PI4KB: variants seen among roughly 807,000 people sequenced by gnomAD.
The protein encoded by PI4KB is PtdIns 4-kinase beta.
Under a neutral mutation model 81.4 loss-of-function variants are expected in PI4KB, and 23 were observed. The ratio of observed to expected loss-of-function variants is 0.28; its 90% CI spans 0.20 to 0.40. PI4KB has a LOEUF of 0.40. PI4KB is among the 10% of genes least tolerant of loss of function. The pLI is 1.00. For missense variants in PI4KB, 651 were observed against 1,036.6 expected, an observed-to-expected ratio of 0.63 and a Z score of 5.11; for synonymous variants, 381 against 406.8, an observed-to-expected ratio of 0.94 and a Z score of 0.76.
In PI4KB at chr1:151,294,083, T is replaced by G; in HGVS notation, c.2204A>C (p.Gln735Pro). ...GTGTTTCCGAGCGGCAATCAGCCCT[T>G]GCAGCATCAGCATCTTATAGTAGTT... Reference protein sequence around the residue: ...MFNYYKMLMLQGLIAARKHMD... With the variant: ...MFNYYKMLMLPGLIAARKHMD... Residue 735 changes from glutamine to proline, a missense_variant, in exon 11 of 12, where the codon CAA becomes CCA. Physicochemically the swap from Gln to Pro is moderately conservative, Grantham distance 76 (BLOSUM62 -1). Coordinates refer to ENST00000368873, the MANE Select transcript of PI4KB (RefSeq NM_001369623.2). The G allele has an allele frequency of 1.2e-6, 2 of 1,614,098 alleles. No individual in the cohort carries two copies. Among genetic ancestry groups the G allele is most frequent in the Non-Finnish European group, 1.7e-6 (2 of 1,179,988 alleles).
intron 6 of PI4KB, among the ~76,000 whole-genome samples, 185 bp from the exon 7 acceptor site, chr1:151,302,483 T>C (rs1282986527): frequency 6.6e-6 from 1 of 152,134 alleles, no homozygotes; most frequent in Non-Finnish European, 1.5e-5. Context: ...ATTGTAATCA[T>C]GTTAAAATTA....
In PI4KB at chr1:151,294,266, G is replaced by A. The variant is rs78257085; in HGVS notation, c.2149-128C>T. On this transcript the variant is annotated intron_variant, in intron 10 of 11. Transcript: ENST00000368873. ...TATTTCCCCCTTCCTTATTGGGCAGGAAGCTCCCAGGAACTCCTGCCTCAC... is the reference window on the plus strand; with the variant it reads ...TATTTCCCCCTTCCTTATTGGGCAGAAAGCTCCCAGGAACTCCTGCCTCAC... 1.4e-3 allele frequency: 2,000 copies of A among 1,475,848 alleles called. 32 individuals are homozygous for A. The African/African-American group carries it at 0.025, about 19-fold the overall frequency. The allele number at this position is 1,475,848 out of a possible 1,614,324, so 91.4% of individuals were successfully genotyped here.
intron 2 of PI4KB, among the ~76,000 whole-genome samples, chr1:151,312,850 C>CA (rs1557804763): frequency 1.3e-5 from 2 of 152,068 alleles, no homozygotes; most frequent in South Asian, 2.1e-4. Flanking sequence ...CTCATCTTTA[C>CA]AAAAAAATTT....
chr1:151,297,069 A>T (rs1310085721), intron 9 of PI4KB, among the ~76,000 whole-genome samples: 1 of 152,186 alleles, frequency 6.6e-6, no homozygotes, highest in Non-Finnish European at 1.5e-5. Context: ...GAGCCACTGC[A>T]TCCAGCCTAG....
At chr1:151,320,582 T>C (rs1356762563) in intron 1 of PI4KB, among the ~76,000 whole-genome samples, 1 of 152,178 alleles carries the variant, frequency 6.6e-6, no homozygotes, top group East Asian at 1.9e-4. Flanking sequence ...CTCCCAAAAT[T>C]AGGTAGTGCC....
At chr1:151,306,041 C>T (rs1392321790) in intron 5 of PI4KB, 95 bp downstream of exon 5, 6 of 1,002,914 alleles carry the variant, frequency 6.0e-6, no homozygotes, top group African/African-American at 1.6e-5. Context: ...ACTTGCCTTA[C>T]CCTGCCTTGG....
intron 4 of PI4KB, 46 bp from the exon 5 acceptor site, chr1:151,306,409 A>T: frequency 8.2e-7 from 1 of 1,226,592 alleles, no homozygotes; most frequent in Non-Finnish European, 1.2e-6. Flanking sequence ...TCCACCACTA[A>T]CCCCCAAATC....
chr1:151,323,768 A>T (rs1238727384), intron 1 of PI4KB, among the ~76,000 whole-genome samples: 1 of 152,084 alleles, frequency 6.6e-6, no homozygotes, highest in Admixed American at 6.6e-5. Flanking sequence ...AAAAAAACAA[A>T]GAAATAGAGG....
In PI4KB at chr1:151,327,283, C is replaced by G. The variant is rs1431485631; in HGVS notation, c.-41G>C. The G allele has an allele frequency of 3.7e-6, 1 of 270,720 alleles. No individual in the cohort carries two copies. The highest frequency in any genetic ancestry group is 6.9e-6 in the Non-Finnish European group (1 of 145,096). 16.8% of individuals were successfully genotyped at this position (270,720 alleles called of 1,614,324 possible). ...AGGAGTAGCTTACCTCTGGGGGACC[C>G]CCGCGGAGGGGGTGCGGGCAGTCGC... On this transcript the variant is annotated 5_prime_UTR_variant, in exon 1 of 12. Transcript: ENST00000368873.
At position 151,294,511 on chromosome 1, in the gene PI4KB, T is replaced by G. The variant is rs757677169; in HGVS notation, c.2046A>C (p.Glu682Asp). 2 of 1,614,106 alleles carry G rather than the reference T, an allele frequency of 1.2e-6. No homozygotes were observed. Among genetic ancestry groups the G allele is most frequent in the Admixed American group, 1.7e-5 (1 of 60,024 alleles). The change falls in exon 10 of 12, where the codon GAA becomes GAC. Residue 682 changes from glutamate (E) to aspartate (D), a missense_variant. Transcript: ENST00000368873. ...RHNGNILLDA[E>D]GHIIHIDFGF... is the part of the protein sequence containing the mutation. ...CAAAGTCGATGTGGATGATGTGGCCTTCTGCGTCCAAAAGGATATTCCCAT... is the reference window on the plus strand; with the variant it reads ...CAAAGTCGATGTGGATGATGTGGCCGTCTGCGTCCAAAAGGATATTCCCAT...
In PI4KB at chr1:151,306,366, G is replaced by A. The variant is rs1159175811; in HGVS notation, c.1183-3C>T. ...TCCACATAAATCAGGTAGGGAGCCT[G>A]GGGGAAGAGTGAGACAGTATTTGCA... On this transcript the variant is annotated splice_region_variant and splice_polypyrimidine_tract_variant and intron_variant, in intron 4 of 11. Transcript: ENST00000368873. 3 of 1,599,758 alleles carry A rather than the reference G, an allele frequency of 1.9e-6. No homozygotes were observed. Among genetic ancestry groups the A allele is most frequent in the African/African-American group, 2.7e-5 (2 of 74,648 alleles).
chr1:151,309,232 T>C (rs1696015868), intron 3 of PI4KB, among the ~76,000 whole-genome samples: 1 of 152,186 alleles, frequency 6.6e-6, no homozygotes, highest in Admixed American at 6.5e-5. Flanking sequence ...AGATGGCAAC[T>C]GATCTCTGTC....
chr1:151,303,296 G>T, intron 6 of PI4KB: 1 of 425,228 alleles, frequency 2.4e-6, no homozygotes, highest in Non-Finnish European at 4.4e-6. Context: ...ACTATGCCCG[G>T]CCCCTCTGGT....
At chr1:151,304,901 T>C (rs1227973267) in intron 5 of PI4KB, among the ~76,000 whole-genome samples, 1 of 150,108 alleles carries the variant, frequency 6.7e-6, no homozygotes, top group Admixed American at 6.6e-5. Flanking sequence ...GTGATCTTGG[T>C]TCACTGCAAC....
chr1:151,302,906 C>T (rs1695415141), intron 6 of PI4KB, among the ~76,000 whole-genome samples: 1 of 151,202 alleles, frequency 6.6e-6, no homozygotes, highest in Non-Finnish European at 1.5e-5. Flanking sequence ...TTCAACAAGT[C>T]CTCCTTCCTC....
intron 8 of PI4KB, among the ~76,000 whole-genome samples, chr1:151,301,396 A>T (rs1208954023): frequency 3.4e-5 from 5 of 148,600 alleles, no homozygotes; most frequent in African/African-American, 1.3e-4. Flanking sequence ...TTGTATTTTT[A>T]TTTTTATTTT....
In PI4KB at chr1:151,307,830, TG is replaced by T. The variant is rs587675077; in HGVS notation, c.955-30del. The T allele has an allele frequency of 2.6e-4, 399 of 1,533,300 alleles. 2 individuals carry two copies. In the African/African-American group the frequency reaches 4.5e-3, roughly 17 times the overall value. The allele number at this position is 1,533,300 out of a possible 1,614,324, so 95.0% of individuals were successfully genotyped here. ...CAGGGGTTTGGGGTAAGACAAAAGA[TG>T]GTGAAGAAACCATAGAATACAATGG... On this transcript the variant is annotated intron_variant, in intron 3 of 11. Coordinates refer to ENST00000368873, the MANE Select transcript of PI4KB (RefSeq NM_001369623.2).
At chr1:151,320,430 C>T (rs1648687026) in intron 1 of PI4KB, among the ~76,000 whole-genome samples, 1 of 152,200 alleles carries the variant, frequency 6.6e-6, no homozygotes, top group Non-Finnish European at 1.5e-5. Flanking sequence ...GGGAACTCTT[C>T]TGTTCTCAGA....
At chr1:151,301,756 A>G (rs1456321062) in intron 8 of PI4KB, 88 bp downstream of exon 8, 38 of 1,252,488 alleles carry the variant, frequency 3.0e-5, no homozygotes, top group Non-Finnish European at 4.0e-5. Flanking sequence ...CTGATCTTGA[A>G]CTCCCGACTT....
Sources: gnomAD v4.1 joint callset for allele counts (sites outside exome capture counted in the v4.1 genomes callset) on GRCh38, gnomAD v4.1.1 for gene constraint, MANE v1.5 for transcripts, NCBI Gene and HGNC (gene_info 2026-07-23, HGNC 2026-07-21) for gene names.